Variants in NFIB observed in about 807,000 individuals in gnomAD.
NFIB encodes the protein nuclear factor I B, also known as nuclear factor 1 B-type.
NFIB carries 11 observed loss-of-function variants against 61.5 expected under a neutral mutation model. That is an observed-to-expected ratio of 0.18 (90% CI 0.11 to 0.30). NFIB has a LOEUF of 0.30. NFIB is among the 10% of genes least tolerant of loss of function. NFIB has a pLI of 1.00. For missense variants in NFIB, 471 were observed against 608.9 expected, an observed-to-expected ratio of 0.77 and a Z score of 2.38; for synonymous variants, 260 against 216.5, an observed-to-expected ratio of 1.20 and a Z score of -1.76.
chr9:14,302,332 G>T (rs1395084405), intron 2 of NFIB, among the ~76,000 whole-genome samples: 2 of 152,086 alleles, frequency 1.3e-5, no homozygotes. Flanking sequence ...CAACCAGGAA[G>T]GCTTCTATTT....
rs35934119 is a variant in NFIB at position 14,086,382 on chromosome 9, AT to A, written c.*1926del. On this transcript the variant is annotated 3_prime_UTR_variant, in exon 11 of 11. Coordinates refer to ENST00000380953, the MANE Select transcript of NFIB (RefSeq NM_001190737.2). ...ACAAACAAACAAAAAAGCATACATTATTTTTTTTTTAAATCTGTGTACTTAC... is the reference window on the plus strand; with the variant it reads ...ACAAACAAACAAAAAAGCATACATTATTTTTTTTTAAATCTGTGTACTTAC... 654 of 211,500 alleles carry A rather than the reference AT, an allele frequency of 3.1e-3. No individual in the cohort carries two copies. Among genetic ancestry groups the A allele is most frequent in the Middle Eastern group, 5.9e-3 (4 of 678 alleles). The allele number at this position is 211,500 out of a possible 1,614,324, so 13.1% of individuals were successfully genotyped here. A position where few individuals can be genotyped will look rare whatever the true frequency, so the allele number is the denominator to read the frequency against.
At chr9:14,295,401 C>T (rs2059369119) in intron 2 of NFIB, among the ~76,000 whole-genome samples, 1 of 151,930 alleles carries the variant, frequency 6.6e-6, no homozygotes, top group Admixed American at 6.6e-5. Flanking sequence ...CCAAGGCGGG[C>T]AGATCACGAG....
At chr9:14,489,796 A>G in the NFIB span, among the ~76,000 whole-genome samples, 9 of 152,004 alleles carry the variant, frequency 5.9e-5, no homozygotes. Flanking sequence ...TATTTTATAC[A>G]TATGTATTAA....
chr9:14,283,882 T>C (rs1183089133), intron 2 of NFIB, among the ~76,000 whole-genome samples: 3 of 152,182 alleles, frequency 2.0e-5, no homozygotes, highest in African/African-American at 7.2e-5. Flanking sequence ...CAATTATTTC[T>C]TTGTCTAGGT....
chr9:14,503,336 A>C, the NFIB span, among the ~76,000 whole-genome samples: 1 of 151,946 alleles, frequency 6.6e-6, no homozygotes, highest in African/African-American at 2.4e-5. Context: ...CAAATGGTGG[A>C]TCTACTTTTA....
intron 3 of NFIB, among the ~76,000 whole-genome samples, chr9:14,159,202 C>T (rs907057646): frequency 2.0e-5 from 3 of 152,126 alleles, no homozygotes; most frequent in African/African-American, 7.2e-5. Context: ...TGCAGCTATT[C>T]ACAGAAAAAA....
At chr9:14,116,122 G>T (rs1488098080) in intron 9 of NFIB, 86 bp downstream of exon 9, 1 of 1,329,754 alleles carries the variant, frequency 7.5e-7, no homozygotes, top group African/African-American at 1.5e-5. Context: ...TTCCACCTTG[G>T]ATCAGATATC....
chr9:14,439,423 T>C, the NFIB span, among the ~76,000 whole-genome samples: 1 of 152,224 alleles, frequency 6.6e-6, no homozygotes, highest in Non-Finnish European at 1.5e-5. Context: ...TTTCTGTGTT[T>C]AAATTTCCTT....
intron 1 of NFIB, among the ~76,000 whole-genome samples, chr9:14,311,273 T>A (rs2132735326): frequency 6.6e-6 from 1 of 152,266 alleles, no homozygotes; most frequent in South Asian, 2.1e-4. Context: ...TATAACCAAT[T>A]AAGAATGATA....
At chr9:14,240,055 T>C (rs2054190447) in intron 2 of NFIB, among the ~76,000 whole-genome samples, 1 of 152,152 alleles carries the variant, frequency 6.6e-6, no homozygotes, top group Non-Finnish European at 1.5e-5. Flanking sequence ...TTAAAGTCCA[T>C]TACTCTTGAC....
At chr9:14,245,479 C>T (rs1010072013) in intron 2 of NFIB, among the ~76,000 whole-genome samples, 3 of 151,586 alleles carry the variant, frequency 2.0e-5, no homozygotes, top group Non-Finnish European at 2.9e-5. Context: ...AAAAAACCAA[C>T]GGCAACAAAA....
chr9:14,420,838 A>G, the NFIB span, among the ~76,000 whole-genome samples: 42 of 152,334 alleles, frequency 2.8e-4, 1 homozygote, highest in South Asian at 8.5e-3. Context: ...GTCAATCAGG[A>G]GGGAACCTCT....
chr9:14,281,046 T>G (rs1181905658), intron 2 of NFIB, among the ~76,000 whole-genome samples: 1 of 152,190 alleles, frequency 6.6e-6, no homozygotes, highest in East Asian at 1.9e-4. Flanking sequence ...TATATTTTTC[T>G]AGAAAAATCA....
At chr9:14,152,024 G>A (rs972637741) in intron 4 of NFIB, among the ~76,000 whole-genome samples, 1 of 151,906 alleles carries the variant, frequency 6.6e-6, no homozygotes, top group African/African-American at 2.4e-5. Context: ...TTAATATTAG[G>A]CAGGCTAAGA....
intron 6 of NFIB, among the ~76,000 whole-genome samples, chr9:14,129,436 C>A (rs899838129): frequency 6.8e-6 from 1 of 147,722 alleles, no homozygotes; most frequent in South Asian, 2.1e-4. Flanking sequence ...CCTCTCTAGA[C>A]TAGAAGGGGA....
chr9:14,378,024 T>C (rs979678082), intron 1 of NFIB, among the ~76,000 whole-genome samples: 2 of 152,096 alleles, frequency 1.3e-5, no homozygotes, highest in Admixed American at 1.3e-4. Context: ...ATTAACTAGC[T>C]AGGATCAGCT....
At chr9:14,202,013 A>C (rs2049090680) in intron 2 of NFIB, among the ~76,000 whole-genome samples, 1 of 152,130 alleles carries the variant, frequency 6.6e-6, no homozygotes, top group South Asian at 2.1e-4. Flanking sequence ...TTATGGTTTC[A>C]TTTGCACAAT....
chr9:14,377,241 G>C (rs1300189306), intron 1 of NFIB, among the ~76,000 whole-genome samples: 1 of 152,142 alleles, frequency 6.6e-6, no homozygotes, highest in East Asian at 1.9e-4. Context: ...GCCATTTAAA[G>C]ACAGAGTCTC....
At chr9:14,386,580 C>T (rs1037527094) in intron 1 of NFIB, among the ~76,000 whole-genome samples, 11 of 150,432 alleles carry the variant, frequency 7.3e-5, no homozygotes, top group Admixed American at 1.3e-4. Flanking sequence ...ATCATGCATT[C>T]TCACAGAGGA....
Sources: gnomAD v4.1 joint callset for allele counts (sites outside exome capture counted in the v4.1 genomes callset) on GRCh38, gnomAD v4.1.1 for gene constraint, MANE v1.5 for transcripts, NCBI Gene and HGNC (gene_info 2026-07-23, HGNC 2026-07-21) for gene names.